Variants in NF1 observed in about 807,000 individuals in gnomAD.
NF1 encodes neurofibromin 1.
NF1 carries 122 observed loss-of-function variants against 325.7 expected under a neutral mutation model. The ratio of observed to expected loss-of-function variants is 0.37; its 90% confidence interval spans 0.32 to 0.44. The LOEUF is 0.44. NF1 is among the 20% of genes least tolerant of loss of function. NF1 has a pLI of 1.00. For missense variants in NF1, 2,140 were observed against 3,415.4 expected (o/e 0.63, Z 9.31); for synonymous variants, 1,091 against 1,186.0 (o/e 0.92, Z 1.65).
intron 8 of NF1, among the ~76,000 whole-genome samples, chr17:31,190,482 T>G (rs565858607): frequency 5.1e-4 from 78 of 152,316 alleles, no homozygotes; most frequent in African/African-American, 1.8e-3. Flanking sequence ...AAGAAAATAT[T>G]TTAGCTGTTC....
At chr17:31,240,427 T>C (rs959942259) in intron 29 of NF1, among the ~76,000 whole-genome samples, 6 of 152,252 alleles carry the variant, frequency 3.9e-5, no homozygotes, top group Non-Finnish European at 8.8e-5. Flanking sequence ...GTTTTGTGTC[T>C]GAATAGTACT....
intron 36 of NF1, among the ~76,000 whole-genome samples, chr17:31,290,272 ATTC>A (rs1479329934): frequency 6.6e-6 from 1 of 152,086 alleles, no homozygotes; most frequent in Non-Finnish European, 1.5e-5. Context: ...ATATTTTTAA[ATTC>A]TTCTGCTGGT....
At chr17:31,360,795 C>T in intron 57 of NF1, 92 bp downstream of exon 57, 2 of 1,154,782 alleles carry the variant, frequency 1.7e-6, no homozygotes, top group Admixed American at 3.4e-5. Context: ...GCAAATTTTG[C>T]TCCTTTTTCT....
rs1289677065 is a variant in NF1 at position 31,332,574 on chromosome 17, GT to G, written c.5812+2092del. Among the ~76,000 whole-genome samples the G allele has an allele frequency of 8.8e-4, 76 of 86,758 alleles. 14 individuals are homozygous for G. Among genetic ancestry groups the G allele is most frequent in the Middle Eastern group, 8.2e-3 (1 of 122 alleles). 56.9% of individuals were successfully genotyped at this position (86,758 alleles called of 152,430 possible). Reference sequence around the variant, plus strand: ...GATTAACAGTAACATACAGATCATGGTTTTTTTTTTTTTTTTATTATACTCT... The same window carrying G: ...GATTAACAGTAACATACAGATCATGGTTTTTTTTTTTTTTTATTATACTCT... On this transcript the variant is annotated intron_variant, in intron 39 of 57. Coordinates refer to ENST00000358273, the MANE Select transcript of NF1 (RefSeq NM_001042492.3).
intron 12 of NF1, among the ~76,000 whole-genome samples, chr17:31,211,829 T>C (rs1051333285): frequency 1.3e-5 from 2 of 152,198 alleles, no homozygotes; most frequent in African/African-American, 4.8e-5. Context: ...GAGTGTTGAG[T>C]GCATGTGAAG....
Position 31,227,462 on chromosome 17 carries a change from A to C in NF1, c.2326-61A>C, listed in dbSNP as rs75296662. ...TACATCAAGTTTGAAACTTGGCTGT[A>C]GCTGATTGATGTTTAGCTCTAGACT... On this transcript the variant is annotated intron_variant, in intron 19 of 57. Transcript: ENST00000358273. 9 of 1,556,790 alleles carry C rather than the reference A, an allele frequency of 5.8e-6. No individual in the cohort carries two copies. In the East Asian group the frequency reaches 2.0e-4, roughly 35 times the overall value.
At chr17:31,191,782 A>G (rs1308387415) in intron 8 of NF1, among the ~76,000 whole-genome samples, 1 of 152,266 alleles carries the variant, frequency 6.6e-6, no homozygotes, top group Non-Finnish European at 1.5e-5. Flanking sequence ...AATTTTCCAA[A>G]TGAGAGCACT....
At chr17:31,278,326 G>A (rs550409845) in intron 36 of NF1, 1 of 150,268 alleles carries the variant, frequency 6.7e-6, no homozygotes, top group South Asian at 2.1e-4. Flanking sequence ...ATTTCAAATT[G>A]CAGTTTTAAT....
chr17:31,187,016 A>G (rs895654137), intron 8 of NF1, among the ~76,000 whole-genome samples: 1 of 152,106 alleles, frequency 6.6e-6, no homozygotes, highest in Non-Finnish European at 1.5e-5. Flanking sequence ...TGGAATAGAC[A>G]CTTACTCCTG....
rs771730277 is a variant in NF1, at chr17:31,233,255, A to G, written c.3708+42A>G. 42 of 1,481,622 alleles carry G rather than the reference A, an allele frequency of 2.8e-5. No homozygotes were observed. The Admixed American group carries it at 6.4e-4, about 22-fold the overall frequency. The allele number at this position is 1,481,622 out of a possible 1,614,324, so 91.8% of individuals were successfully genotyped here. A position where few individuals can be genotyped will look rare whatever the true frequency, so the allele number is the denominator to read the frequency against. ...AGCGGGGAAGAAAAGTGCCTGGCAC[A>G]TAGCAAATCCTTCAGAATATATTTG... On this transcript the variant is annotated intron_variant, in intron 27 of 57. Coordinates refer to ENST00000358273, the MANE Select transcript of NF1 (RefSeq NM_001042492.3).
chr17:31,371,115 T>C (rs2070628697), intron 57 of NF1, among the ~76,000 whole-genome samples: 2 of 152,172 alleles, frequency 1.3e-5, no homozygotes, highest in Non-Finnish European at 2.9e-5. Context: ...GGTATCTAGC[T>C]ATCACATTTT....
intron 54 of NF1, 200 bp downstream of exon 54, chr17:31,357,569 T>C: frequency 1.7e-6 from 1 of 599,594 alleles, no homozygotes; most frequent in African/African-American, 1.9e-5. Context: ...GGAAAGACTT[T>C]TAAAAAATCT....
intron 9 of NF1, among the ~76,000 whole-genome samples, 181 bp from the exon 10 acceptor site, chr17:31,200,854 CTA>C (rs1222593042): frequency 6.6e-6 from 1 of 152,104 alleles, no homozygotes. Context: ...TGAAATGAAC[CTA>C]TATATGGTAT....
chr17:31,334,837 G>A lies in NF1; in HGVS notation c.5813-1G>A, dbSNP rs1057518974. On this transcript the variant is annotated splice_acceptor_variant, in intron 39 of 57. Transcript: ENST00000358273. LOFTEE classifies it high-confidence loss of function. ...CATGCTAATAGTGTATTTTTTTCCA[G>A]GTATTGAATTGAAACACCTTTGTTT... The A allele has an allele frequency of 6.2e-7, 1 of 1,611,916 alleles. No homozygotes were observed. The highest frequency in any genetic ancestry group is 8.5e-7 in the Non-Finnish European group (1 of 1,178,442).
At chr17:31,270,911 C>G (rs1283238166) in intron 36 of NF1, among the ~76,000 whole-genome samples, 1 of 152,162 alleles carries the variant, frequency 6.6e-6, no homozygotes, top group Admixed American at 6.5e-5. Flanking sequence ...TATCCCCAGC[C>G]CCCATTTCCA....
intron 5 of NF1, among the ~76,000 whole-genome samples, chr17:31,179,180 A>C (rs1044838479): frequency 2.6e-5 from 4 of 152,232 alleles, no homozygotes. Flanking sequence ...CCACAGTGCA[A>C]TCAAACTAGA....
intron 36 of NF1, among the ~76,000 whole-genome samples, chr17:31,291,553 A>G (rs954900697): frequency 2.6e-5 from 4 of 152,198 alleles, no homozygotes; most frequent in African/African-American, 9.7e-5. Context: ...TTCACCAGCA[A>G]GATGTTGGGT....
intron 1 of NF1, among the ~76,000 whole-genome samples, chr17:31,100,424 C>T (rs937439908): frequency 2.0e-5 from 3 of 152,096 alleles, no homozygotes; most frequent in African/African-American, 7.2e-5. Context: ...AATGAGTACT[C>T]TTTTATGGTG....
At chr17:31,345,397 G>C in intron 48 of NF1, 2 of 1,231,268 alleles carry the variant, frequency 1.6e-6, no homozygotes, top group Non-Finnish European at 2.2e-6. Context: ...AGGGGCGGCC[G>C]GCGAGTCCCA....
Sources: allele counts gnomAD v4.1 joint callset (sites outside exome capture counted in the v4.1 genomes callset), GRCh38; gene constraint gnomAD v4.1.1; transcripts MANE v1.5; gene names NCBI Gene and HGNC (gene_info 2026-07-23, HGNC 2026-07-21).